PPME1: variants seen among roughly 807,000 people sequenced by gnomAD.
The protein encoded by PPME1 is protein phosphatase methylesterase 1, also known as testicular secretory protein Li 39.
Under a neutral mutation model 56.9 loss-of-function variants are expected in PPME1, and 17 were observed. That is an observed-to-expected ratio of 0.30 (90% CI 0.20 to 0.45). The LOEUF is 0.45. Among genes scored for constraint, PPME1 ranks in the 20% least tolerant of loss-of-function variants. PPME1 has a pLI of 1.00. For missense variants in PPME1, 357 were observed against 483.2 expected, an observed-to-expected ratio of 0.74 and a Z score of 2.45; for synonymous variants, 122 against 156.2, an observed-to-expected ratio of 0.78 and a Z score of 1.63.
At position 74,251,159 on chromosome 11, in the gene PPME1, T is replaced by TC. The variant is rs1301955850; in HGVS notation, c.1074+143dup. 4 of 1,474,102 alleles carry TC rather than the reference T, an allele frequency of 2.7e-6. No individual in the cohort carries two copies. The African/African-American group carries it at 4.2e-5, about 16-fold the overall frequency. The allele number at this position is 1,474,102 out of a possible 1,614,324, so 91.3% of individuals were successfully genotyped here. ...TATGCAGATGCAGTTCCACCAGCTC[T>TC]CCAACTTCTCCCTGGCAGCTGCTTA... On this transcript the variant is annotated intron_variant, in intron 12 of 13. Transcript: ENST00000328257.
intron 8 of PPME1, 190 bp from the exon 9 acceptor site, chr11:74,238,943 C>A: frequency 1.8e-6 from 1 of 545,834 alleles, no homozygotes; most frequent in Non-Finnish European, 3.2e-6. Context: ...GGAAACCAGC[C>A]CTTGGAGAAT....
chr11:74,251,679 G>A lies in PPME1; in HGVS notation c.1106G>A (p.Arg369Gln). The stretch of plus-strand genomic sequence containing the variant: ...GAAGCTGTTGCCACTTTCCTGATCC[G>A]GCACAGGTTTGCAGAACCCATCGGT... ...VAEAVATFLIRHRFAEPIGGF... is the reference protein window; with the variant it reads ...VAEAVATFLIQHRFAEPIGGF... The change falls in exon 13 of 14, where the codon CGG (arginine) becomes CAG (glutamine). Residue 369 changes from arginine (R) to glutamine (Q), a missense_variant. Coordinates refer to ENST00000328257, the MANE Select transcript of PPME1 (RefSeq NM_016147.3). 1 of 1,613,862 alleles carries A rather than the reference G, an allele frequency of 6.2e-7. No individual in the cohort carries two copies. The highest frequency in any genetic ancestry group is 8.5e-7 in the Non-Finnish European group (1 of 1,179,830).
chr11:74,221,746 A>G (rs570569656), intron 3 of PPME1, among the ~76,000 whole-genome samples: 125 of 152,296 alleles, frequency 8.2e-4, no homozygotes, highest in African/African-American at 3.0e-3. Context: ...TTCACCCTCT[A>G]AAATTGTACC....
intron 3 of PPME1, among the ~76,000 whole-genome samples, chr11:74,218,531 T>C (rs1439033748): frequency 5.3e-5 from 8 of 152,200 alleles, no homozygotes; most frequent in Non-Finnish European, 8.8e-5. Flanking sequence ...CAGAGCAGCA[T>C]GGTACTGCTA....
At chr11:74,250,645 G>T (rs992815067) in intron 11 of PPME1, 1 of 263,090 alleles carries the variant, frequency 3.8e-6, no homozygotes. Context: ...TAAAATGTTG[G>T]TTTTTGTGTT....
At chr11:74,210,818 G>A (rs560213799) in intron 3 of PPME1, among the ~76,000 whole-genome samples, 4 of 152,232 alleles carry the variant, frequency 2.6e-5, no homozygotes, top group East Asian at 3.9e-4. Flanking sequence ...CTCAGGCTCC[G>A]ATATTTCTTT....
rs1307550126 is a variant in PPME1 at position 74,247,065 on chromosome 11, C to A, written c.965-14C>A. 6.2e-7 allele frequency: 1 copy of A among 1,606,124 alleles called. No individual in the cohort carries two copies. Among genetic ancestry groups the A allele is most frequent in the Non-Finnish European group, 8.5e-7 (1 of 1,174,714 alleles). On this transcript the variant is annotated splice_polypyrimidine_tract_variant and intron_variant, in intron 10 of 13. Coordinates refer to ENST00000328257, the MANE Select transcript of PPME1 (RefSeq NM_016147.3). ...AGCAAAATCTGTTTCACAATGAATT[C>A]TCTTGTTTTCTAGGTGTTGATAGAT... is the stretch of plus-strand genomic sequence containing the variant.
At chr11:74,179,140 T>C (rs1857469431) in intron 1 of PPME1, among the ~76,000 whole-genome samples, 1 of 152,230 alleles carries the variant, frequency 6.6e-6, no homozygotes. Context: ...CTTCTGTGTG[T>C]GTTTTTGGCC....
rs1859785820 is a variant in PPME1 at position 74,254,563 on chromosome 11, T to G, written c.*1053T>G. On this transcript the variant is annotated 3_prime_UTR_variant, in exon 14 of 14. Coordinates refer to ENST00000328257, the MANE Select transcript of PPME1 (RefSeq NM_016147.3). ...AAGCCCATCTTTTCTGTGACTGTCT[T>G]AGGTGATGTGTAGCCCCCTCCACCT... 6.5e-6 allele frequency: 1 copy of G among 153,246 alleles called. No individual in the cohort carries two copies. Among genetic ancestry groups the G allele is most frequent in the Non-Finnish European group, 1.5e-5 (1 of 68,260 alleles). 9.5% of individuals were successfully genotyped at this position (153,246 alleles called of 1,614,324 possible). A position where few individuals can be genotyped will look rare whatever the true frequency, so the allele number is the denominator to read the frequency against.
intron 5 of PPME1, among the ~76,000 whole-genome samples, chr11:74,225,828 T>C (rs1858920636): frequency 6.6e-6 from 1 of 152,170 alleles, no homozygotes; most frequent in Non-Finnish European, 1.5e-5. Context: ...GACCTACTTC[T>C]AGCAGTGGAG....
At chr11:74,175,971 G>C (rs555638882) in intron 1 of PPME1, among the ~76,000 whole-genome samples, 20 of 152,266 alleles carry the variant, frequency 1.3e-4, no homozygotes, top group Non-Finnish European at 2.8e-4. Flanking sequence ...ATCTAAGTTT[G>C]AAGCCCAACT....
At chr11:74,242,846 C>T (rs144530812) in intron 9 of PPME1, among the ~76,000 whole-genome samples, 1,633 of 146,096 alleles carry the variant, frequency 0.011, 28 homozygotes, top group African/African-American at 0.04. Context: ...GCCACTGCAC[C>T]CCAGCCTGGG....
chr11:74,171,991 C>T (rs1410001798), intron 1 of PPME1, among the ~76,000 whole-genome samples: 2 of 151,896 alleles, frequency 1.3e-5, no homozygotes, highest in Non-Finnish European at 2.9e-5. Context: ...GAACTAGATA[C>T]TAGAAAAGCT....
intron 1 of PPME1, among the ~76,000 whole-genome samples, chr11:74,178,304 C>G (rs1376915021): frequency 6.6e-6 from 1 of 152,164 alleles, no homozygotes; most frequent in Admixed American, 6.5e-5. Context: ...TGCAAGCTCC[C>G]CAACAGATTT....
In PPME1 at chr11:74,186,951, C is replaced by A. The variant is rs187556935; in HGVS notation, c.101+15429C>A. Reference sequence around the variant, plus strand: ...ATGATATGAGGAATGAGTCCAACTTCATTCTTTTGCATGTGGATATCCAGT... The same window carrying A: ...ATGATATGAGGAATGAGTCCAACTTAATTCTTTTGCATGTGGATATCCAGT... On this transcript the variant is annotated intron_variant, in intron 1 of 13. Transcript: ENST00000328257. 2.6e-5 allele frequency among the ~76,000 whole-genome samples: 4 copies of A among 152,268 alleles called. No individual in the cohort carries two copies. In the East Asian group the frequency reaches 7.7e-4, roughly 29 times the overall value.
At chr11:74,195,494 T>C (rs913304931) in intron 1 of PPME1, among the ~76,000 whole-genome samples, 1 of 152,198 alleles carries the variant, frequency 6.6e-6, no homozygotes, top group Non-Finnish European at 1.5e-5. Context: ...TACATCACAG[T>C]TTGTATATTC....
At chr11:74,224,247 T>C (rs1858876392) in intron 4 of PPME1, among the ~76,000 whole-genome samples, 1 of 148,894 alleles carries the variant, frequency 6.7e-6, no homozygotes, top group Non-Finnish European at 1.5e-5. Context: ...AAAGATCAGA[T>C]AGTTGTAGAT....
chr11:74,252,952 CA>C (rs1859741744), intron 13 of PPME1, among the ~76,000 whole-genome samples: 1 of 152,230 alleles, frequency 6.6e-6, no homozygotes, highest in Non-Finnish European at 1.5e-5. Context: ...AGAGAGCCCA[CA>C]ACCCTCATGA....
chr11:74,180,124 C>T (rs2135592876), intron 1 of PPME1, among the ~76,000 whole-genome samples: 1 of 152,256 alleles, frequency 6.6e-6, no homozygotes, highest in African/African-American at 2.4e-5. Flanking sequence ...GTTTTTCCTC[C>T]TTCCCTTTCT....
Sources: gnomAD v4.1 joint callset for allele counts (sites outside exome capture counted in the v4.1 genomes callset) on GRCh38, gnomAD v4.1.1 for gene constraint, MANE v1.5 for transcripts, NCBI Gene and HGNC (gene_info 2026-07-23, HGNC 2026-07-21) for gene names.